The following MICU1 variants were observed in gnomAD, a reference collection of about 807,000 sequenced individuals.
MICU1 encodes mitochondrial calcium uptake 1, also known as calcium uptake protein 1, mitochondrial.
MICU1 carries 45 observed loss-of-function variants against 56.8 expected under a neutral mutation model. That is an observed-to-expected ratio of 0.79 (90% CI 0.62 to 1.02). The LOEUF (loss-of-function observed/expected upper bound fraction) is 1.02, where lower values mean the gene tolerates loss of function less well. Among genes scored for constraint, MICU1 ranks in the 50% least tolerant of loss-of-function variants. The pLI is 0.00. For synonymous variants in MICU1, 186 were observed against 195.1 expected (o/e 0.95, Z 0.39); for missense variants, 504 against 587.1 (o/e 0.86, Z 1.46).
rs758532096 is a variant in MICU1 at position 72,368,232 on chromosome 10, T to C, written c.1394A>G (p.Gln465Arg). Reference sequence around the variant, plus strand: ...TAAAGCGAAGTCCCAGGCAGTTTCCTGTGCACATTTCCACATGGCCTGCAT... The same window carrying C: ...TAAAGCGAAGTCCCAGGCAGTTTCCCGTGCACATTTCCACATGGCCTGCAT... ...RLMQAMWKCAQETAWDFALPK... is the reference protein window; with the variant it reads ...RLMQAMWKCARETAWDFALPK... The change falls in exon 12 of 12, where the codon CAG becomes CGG. Residue 465 changes from glutamine to arginine, a missense_variant. Gln to Arg is a conservative substitution (Grantham distance 43, BLOSUM62 1). Transcript: ENST00000361114. 1.2e-6 allele frequency: 2 copies of C among 1,613,886 alleles called. No individual in the cohort carries two copies. The highest frequency in any genetic ancestry group is 4.5e-5 in the East Asian group (2 of 44,880).
At chr10:72,592,867 C>G (rs1456857199) in intron 1 of MICU1, among the ~76,000 whole-genome samples, 1 of 151,318 alleles carries the variant, frequency 6.6e-6, no homozygotes, top group Admixed American at 6.6e-5. Context: ...ACTGCAACCT[C>G]TGCCTCCCGG....
intron 10 of MICU1, among the ~76,000 whole-genome samples, chr10:72,404,472 CAA>C (rs889038238): frequency 2.6e-5 from 4 of 152,086 alleles, no homozygotes; most frequent in African/African-American, 9.7e-5. Flanking sequence ...AGAAAATTAA[CAA>C]AGTCAAAAAT....
intron 1 of MICU1, among the ~76,000 whole-genome samples, chr10:72,602,205 A>G (rs1241113896): frequency 6.7e-6 from 1 of 149,938 alleles, no homozygotes; most frequent in Non-Finnish European, 1.5e-5. Flanking sequence ...AATCCTAGCA[A>G]TTTGGGAGGC....
chr10:72,580,596 C>A (rs1840873467), intron 1 of MICU1, among the ~76,000 whole-genome samples: 1 of 152,198 alleles, frequency 6.6e-6, no homozygotes, highest in Non-Finnish European at 1.5e-5. Context: ...CCTGCCTCAG[C>A]CTCCTGAGTA....
Position 72,408,036 on chromosome 10 carries a change from C to T in MICU1, c.1073G>A (p.Gly358Asp), listed in dbSNP as rs1158079916. The change falls in exon 10 of 12, where the codon GGT becomes GAT. Residue 358 changes from glycine to aspartate, a missense_variant and splice_region_variant. Coordinates refer to ENST00000361114, the MANE Select transcript of MICU1 (RefSeq NM_001195518.2). The stretch of plus-strand genomic sequence containing the variant: ...GTTCTCCACCTCCTGAAATGTCAGA[C>T]CCTGCAAGAGGAGAGACAGCAAGGT... The part of the protein sequence containing the change: ...QLKKHFKEGK[G>D]LTFQEVENFF... 6.2e-7 allele frequency: 1 copy of T among 1,610,066 alleles called. No homozygotes were observed. The highest frequency in any genetic ancestry group is 2.2e-5 in the East Asian group (1 of 44,862).
intron 11 of MICU1, among the ~76,000 whole-genome samples, chr10:72,375,044 C>T (rs1170266538): frequency 6.6e-6 from 1 of 151,948 alleles, no homozygotes; most frequent in East Asian, 1.9e-4. Context: ...CTCCTGACCT[C>T]AGGTGATCCG....
chr10:72,400,166 C>T (rs1863404058), intron 10 of MICU1, among the ~76,000 whole-genome samples: 1 of 152,098 alleles, frequency 6.6e-6, no homozygotes, highest in African/African-American at 2.4e-5. Context: ...CCTCTATTAG[C>T]AAGGATAATG....
intron 8 of MICU1, among the ~76,000 whole-genome samples, chr10:72,436,357 A>C (rs1371765406): frequency 6.6e-6 from 1 of 152,242 alleles, no homozygotes; most frequent in Non-Finnish European, 1.5e-5. Flanking sequence ...AACAGAAAGG[A>C]ATAGCATCAA....
At chr10:72,471,347 G>C (rs909262478) in intron 8 of MICU1, among the ~76,000 whole-genome samples, 3 of 152,186 alleles carry the variant, frequency 2.0e-5, no homozygotes, top group African/African-American at 7.2e-5. Context: ...GACTCCCAAA[G>C]TGCTGGGATT....
intron 1 of MICU1, among the ~76,000 whole-genome samples, chr10:72,620,513 A>G (rs965421596): frequency 5.9e-5 from 9 of 152,208 alleles, no homozygotes; most frequent in African/African-American, 2.2e-4. Flanking sequence ...AATAAGCAAC[A>G]TTAAATCACT....
chr10:72,405,303 T>C (rs1189987890), intron 10 of MICU1, among the ~76,000 whole-genome samples: 4 of 151,848 alleles, frequency 2.6e-5, no homozygotes, highest in Non-Finnish European at 5.9e-5. Context: ...CACTGCAACC[T>C]CCACCTCCCA....
chr10:72,543,412 C>T (rs74582621), intron 4 of MICU1, among the ~76,000 whole-genome samples: 1 of 152,168 alleles, frequency 6.6e-6, no homozygotes, highest in African/African-American at 2.4e-5. Flanking sequence ...TATAGGCTCA[C>T]ACCTATAATC....
intron 10 of MICU1, among the ~76,000 whole-genome samples, chr10:72,393,078 G>A (rs1329450479): frequency 2.0e-5 from 3 of 152,220 alleles, no homozygotes; most frequent in Non-Finnish European, 4.4e-5. Flanking sequence ...TCCCTGGGCT[G>A]CTGGGAAGGG....
At chr10:72,569,237 A>ATATATATTTTTT in intron 1 of MICU1, among the ~76,000 whole-genome samples, 14 of 34,378 alleles carry the variant, frequency 4.1e-4, no homozygotes, top group East Asian at 6.9e-4. Flanking sequence ...ATATATATAT[A>ATATATATTTTTT]TTTTTTTTTT....
intron 2 of MICU1, among the ~76,000 whole-genome samples, chr10:72,566,034 ATTTTCTTTT>A (rs2132474034): frequency 1.3e-5 from 1 of 78,226 alleles, no homozygotes; most frequent in Admixed American, 1.4e-4. Flanking sequence ...GAAAGCATTC[ATTTTCTTTT>A]TTTTTTTTTT....
chr10:72,583,782 T>C (rs1191680014), intron 1 of MICU1, among the ~76,000 whole-genome samples: 1 of 152,202 alleles, frequency 6.6e-6, no homozygotes, highest in Admixed American at 6.5e-5. Context: ...ATGAAATGAA[T>C]ATTTCAAGTT....
intron 8 of MICU1, among the ~76,000 whole-genome samples, chr10:72,435,385 C>CAAAAAA (rs34955776): frequency 4.2e-5 from 2 of 48,060 alleles, no homozygotes; most frequent in Non-Finnish European, 9.9e-5. Context: ...GACCCTGTTA[C>CAAAAAA]AAAAAAAAAA....
At chr10:72,376,617 A>G (rs1384779171) in intron 10 of MICU1, among the ~76,000 whole-genome samples, 2 of 152,204 alleles carry the variant, frequency 1.3e-5, no homozygotes, top group Admixed American at 6.5e-5. Context: ...GTAACACTCT[A>G]TGTAACAGAG....
intron 9 of MICU1, among the ~76,000 whole-genome samples, chr10:72,415,817 C>A (rs1360593096): frequency 6.6e-6 from 1 of 152,098 alleles, no homozygotes; most frequent in Non-Finnish European, 1.5e-5. Context: ...TGGCAACAAA[C>A]AGGATGATTA....
Sources: allele counts gnomAD v4.1 joint callset (sites outside exome capture counted in the v4.1 genomes callset), GRCh38; gene constraint gnomAD v4.1.1; transcripts MANE v1.5; gene names NCBI Gene and HGNC (gene_info 2026-07-23, HGNC 2026-07-21).